Variants in GALNT13 observed in about 807,000 individuals in gnomAD.
GALNT13 encodes polypeptide N-acetylgalactosaminyltransferase 13.
GALNT13 carries 28 observed loss-of-function variants against 64.2 expected under a neutral mutation model. The observed-to-expected ratio is 0.44, with a 90% confidence interval of 0.32 to 0.60. The LOEUF (loss-of-function observed/expected upper bound fraction) is 0.60. GALNT13 is among the 20% of genes least tolerant of loss of function. The pLI, the probability that GALNT13 is intolerant of heterozygous loss-of-function variation, is 0.05. For missense variants in GALNT13, 577 were observed against 669.8 expected (o/e 0.86, Z 1.53); for synonymous variants, 214 against 224.6 (o/e 0.95, Z 0.42).
chr2:154,450,381 G>T, intron 12 of GALNT13, 30 bp from the exon 13 acceptor site: 1 of 1,585,014 alleles, frequency 6.3e-7, no homozygotes, highest in Non-Finnish European at 8.6e-7. Context: ...GACGAAATAA[G>T]CTGCACTGAT....
At chr2:154,194,668 A>C (rs1201576894) in intron 4 of GALNT13, among the ~76,000 whole-genome samples, 2 of 152,086 alleles carry the variant, frequency 1.3e-5, no homozygotes, top group Non-Finnish European at 2.9e-5. Context: ...TTATTAGCTA[A>C]GATTTATTAA....
At chr2:153,891,187 T>A (rs1687530169) in intron 1 of GALNT13, among the ~76,000 whole-genome samples, 1 of 152,046 alleles carries the variant, frequency 6.6e-6, no homozygotes, top group African/African-American at 2.4e-5. Context: ...TACATGCATT[T>A]AATTAGATTG....
the GALNT13 span, among the ~76,000 whole-genome samples, chr2:153,329,977 T>A: frequency 2.0e-5 from 3 of 152,226 alleles, no homozygotes; most frequent in Admixed American, 6.5e-5. Context: ...AGCAGTCCAG[T>A]TTCATTCTTC....
intron 7 of GALNT13, among the ~76,000 whole-genome samples, chr2:154,250,065 A>G (rs1213485507): frequency 6.6e-6 from 1 of 152,092 alleles, no homozygotes; most frequent in Non-Finnish European, 1.5e-5. Context: ...AGCTCCTCCA[A>G]TTGAGAAATT....
At chr2:153,739,620 T>G in the GALNT13 span, among the ~76,000 whole-genome samples, 1 of 88,532 alleles carries the variant, frequency 1.1e-5, no homozygotes, top group South Asian at 2.8e-4. Flanking sequence ...AATGAGATTT[T>G]ATTTATTATT....
chr2:153,227,726 A>G, the GALNT13 span, among the ~76,000 whole-genome samples: 1 of 152,212 alleles, frequency 6.6e-6, no homozygotes, highest in African/African-American at 2.4e-5. Flanking sequence ...TAGGATTTAA[A>G]GGCTATGATG....
intron 2 of GALNT13, among the ~76,000 whole-genome samples, chr2:153,929,346 C>T (rs1321153765): frequency 6.6e-6 from 1 of 152,076 alleles, no homozygotes; most frequent in African/African-American, 2.4e-5. Flanking sequence ...TTTTATTTTT[C>T]TTTCCAACAT....
At chr2:153,581,400 G>A in the GALNT13 span, among the ~76,000 whole-genome samples, 1 of 151,982 alleles carries the variant, frequency 6.6e-6, no homozygotes, top group African/African-American at 2.4e-5. Flanking sequence ...AATAGGGGAT[G>A]TTCATTTTTA....
chr2:154,323,670 G>T (rs1694737304), intron 9 of GALNT13, among the ~76,000 whole-genome samples: 1 of 151,908 alleles, frequency 6.6e-6, no homozygotes, highest in African/African-American at 2.4e-5. Flanking sequence ...CTCAGTAGTG[G>T]GAATCCACTG....
At chr2:153,803,691 CA>C in the GALNT13 span, among the ~76,000 whole-genome samples, 1,664 of 105,064 alleles carry the variant, frequency 0.016, 22 homozygotes, top group African/African-American at 0.056. Context: ...GACTCTGTCT[CA>C]AAAAAAAAAA....
intron 3 of GALNT13, among the ~76,000 whole-genome samples, chr2:154,009,845 GT>G (rs1304753233): frequency 6.6e-6 from 1 of 152,194 alleles, no homozygotes; most frequent in Admixed American, 6.5e-5. Flanking sequence ...TTTGAGCAGG[GT>G]TTTGTAACGC....
the GALNT13 span, among the ~76,000 whole-genome samples, chr2:153,650,834 A>G: frequency 2.0e-5 from 3 of 152,258 alleles, no homozygotes; most frequent in Non-Finnish European, 2.9e-5. Flanking sequence ...ACTTTAAACA[A>G]AATGCACATT....
At chr2:154,229,647 G>A (rs1196820217) in intron 4 of GALNT13, among the ~76,000 whole-genome samples, 2 of 152,078 alleles carry the variant, frequency 1.3e-5, no homozygotes, top group East Asian at 3.9e-4. Context: ...TTTCTGAGAG[G>A]AAGTGTGACT....
At chr2:154,309,736 T>A (rs542161694) in intron 9 of GALNT13, among the ~76,000 whole-genome samples, 1 of 152,094 alleles carries the variant, frequency 6.6e-6, no homozygotes, top group Non-Finnish European at 1.5e-5. Flanking sequence ...CAACATAAAT[T>A]TGGGCAGGAA....
intron 11 of GALNT13, among the ~76,000 whole-genome samples, chr2:154,418,662 G>C (rs569101918): frequency 2.6e-5 from 4 of 152,260 alleles, no homozygotes; most frequent in African/African-American, 9.6e-5. Context: ...TGAAATGTGA[G>C]AGAATAAATT....
intron 4 of GALNT13, among the ~76,000 whole-genome samples, chr2:154,192,782 G>A (rs1170069308): frequency 6.6e-6 from 1 of 152,118 alleles, no homozygotes; most frequent in Admixed American, 6.5e-5. Context: ...AAAGTTTTAA[G>A]GTTGTTATCT....
chr2:153,709,807 G>A, the GALNT13 span, among the ~76,000 whole-genome samples: 8 of 151,948 alleles, frequency 5.3e-5, no homozygotes, highest in African/African-American at 1.9e-4. Flanking sequence ...ATAATATTCA[G>A]CCTTAAATAA....
chr2:154,216,802 CTTTTTTTT>C (rs397872685), intron 4 of GALNT13, among the ~76,000 whole-genome samples: 6 of 71,296 alleles, frequency 8.4e-5, no homozygotes, highest in Admixed American at 1.8e-4. Context: ...TTCTCTCTCT[CTTTTTTTT>C]TTTTTTTTTT....
chr2:154,094,893 A>C (rs1390317257), intron 3 of GALNT13, among the ~76,000 whole-genome samples: 1 of 151,884 alleles, frequency 6.6e-6, no homozygotes, highest in Non-Finnish European at 1.5e-5. Context: ...GAATAAATTA[A>C]TTTTTGAACA....
Sources: gnomAD v4.1 joint callset for allele counts (sites outside exome capture counted in the v4.1 genomes callset) on GRCh38, gnomAD v4.1.1 for gene constraint, MANE v1.5 for transcripts, NCBI Gene and HGNC (gene_info 2026-07-23, HGNC 2026-07-21) for gene names.